Variants in KIAA1549L observed in about 807,000 individuals in gnomAD.
KIAA1549L encodes the protein KIAA1549 like.
A neutral mutation model predicts 160.7 loss-of-function variants in KIAA1549L; 88 were observed. The ratio of observed to expected loss-of-function variants is 0.55; its 90% CI spans 0.46 to 0.65. The LOEUF is 0.65. KIAA1549L is among the 30% of genes least tolerant of loss of function. KIAA1549L has a pLI of 0.00. For synonymous variants in KIAA1549L, 950 were observed against 976.7 expected, an observed-to-expected ratio of 0.97 and a Z score of 0.51; for missense variants, 2,258 against 2,437.5, an observed-to-expected ratio of 0.93 and a Z score of 1.55.
At chr11:33,525,662 G>A (rs1853593859) in intron 1 of KIAA1549L, among the ~76,000 whole-genome samples, 1 of 152,124 alleles carries the variant, frequency 6.6e-6, no homozygotes, top group African/African-American at 2.4e-5. Flanking sequence ...AGGCAGGCAG[G>A]GAGAGGTAAA....
chr11:33,488,624 G>A (rs76976381), intron 1 of KIAA1549L, among the ~76,000 whole-genome samples: 2,673 of 152,238 alleles, frequency 0.018, 77 homozygotes, highest in African/African-American at 0.061. Context: ...GGAAATTGAG[G>A]CACATAAAGG....
At chr11:33,549,902 G>C (rs538649953) in intron 4 of KIAA1549L, among the ~76,000 whole-genome samples, 1 of 152,186 alleles carries the variant, frequency 6.6e-6, no homozygotes, top group Admixed American at 6.5e-5. Flanking sequence ...CTACTCGAGA[G>C]GCTGAGGTGG....
intron 19 of KIAA1549L, 126 bp downstream of exon 19, chr11:33,659,024 G>C (rs1852173715): frequency 6.8e-6 from 7 of 1,025,122 alleles, no homozygotes; most frequent in Admixed American, 3.1e-5. Flanking sequence ...TGCATTTCTG[G>C]ATCCCCTCAT....
In KIAA1549L at chr11:33,477,507, G is replaced by GCGCACACA. The variant is rs1554981523; in HGVS notation, c.239-64294_239-64293insGCACACAC. 8.3e-4 allele frequency among the ~76,000 whole-genome samples: 110 copies of GCGCACACA among 131,822 alleles called. 1 individual carries two copies. Among genetic ancestry groups the GCGCACACA allele is most frequent in the African/African-American group, 3.9e-3 (108 of 27,658 alleles). 86.5% of individuals were successfully genotyped at this position (131,822 alleles called of 152,430 possible). ...GTGGTGGAGTGCCACGCAGGTGCAC[G>GCGCACACA]CACACACACACAAACACACACACAC... On this transcript the variant is annotated intron_variant, in intron 1 of 20. Transcript: ENST00000658780.
At chr11:33,393,666 G>A (rs1332679230) in intron 1 of KIAA1549L, among the ~76,000 whole-genome samples, 3 of 152,134 alleles carry the variant, frequency 2.0e-5, no homozygotes, top group African/African-American at 4.8e-5. Flanking sequence ...GTTGCCTCCC[G>A]GGCATAGAAG....
chr11:33,571,768 G>A (rs1453941487), intron 9 of KIAA1549L, among the ~76,000 whole-genome samples: 1 of 152,066 alleles, frequency 6.6e-6, no homozygotes, highest in Non-Finnish European at 1.5e-5. Context: ...TTCAACATGA[G>A]ATTTGGAGAG....
At chr11:33,637,668 C>T (rs528881776) in intron 16 of KIAA1549L, among the ~76,000 whole-genome samples, 4 of 152,292 alleles carry the variant, frequency 2.6e-5, no homozygotes, top group South Asian at 2.1e-4. Flanking sequence ...GGGAAGGATG[C>T]GTTCCAGGTA....
intron 20 of KIAA1549L, among the ~76,000 whole-genome samples, chr11:33,666,924 A>AT (rs1223914371): frequency 4.6e-5 from 7 of 152,224 alleles, no homozygotes; most frequent in Admixed American, 2.0e-4. Context: ...ACTAAATGAG[A>AT]TAATGTGTGG....
At chr11:33,473,256 G>A (rs1852216772) in intron 1 of KIAA1549L, among the ~76,000 whole-genome samples, 1 of 152,176 alleles carries the variant, frequency 6.6e-6, no homozygotes, top group Admixed American at 6.6e-5. Flanking sequence ...CCTTCAAAGA[G>A]CTTCCGTCTA....
intron 1 of KIAA1549L, among the ~76,000 whole-genome samples, chr11:33,413,359 A>G (rs1850821230): frequency 6.6e-6 from 1 of 150,716 alleles, no homozygotes; most frequent in African/African-American, 2.4e-5. Flanking sequence ...GGATTGTTTG[A>G]GCCAGGAGTT....
chr11:33,654,544 C>T (rs1394293835), intron 17 of KIAA1549L, among the ~76,000 whole-genome samples: 1 of 152,174 alleles, frequency 6.6e-6, no homozygotes, highest in Non-Finnish European at 1.5e-5. Context: ...GCCATCCATC[C>T]TCCCTCCCTA....
At chr11:33,583,573 CT>C in intron 11 of KIAA1549L, 72 bp downstream of exon 11, 1 of 1,389,410 alleles carries the variant, frequency 7.2e-7, no homozygotes, top group South Asian at 1.4e-5. Context: ...TCCCTCTTGC[CT>C]TTTGAGGCCA....
In KIAA1549L at chr11:33,560,056, A is replaced by C. The variant is rs554406748; in HGVS notation, c.4018+145A>C. The C allele has an allele frequency of 1.0e-4, 80 of 802,622 alleles. No individual in the cohort carries two copies. In the South Asian group the frequency reaches 1.2e-3, roughly 12 times the overall value. The allele number at this position is 802,622 out of a possible 1,614,324, so 49.7% of individuals were successfully genotyped here. On this transcript the variant is annotated intron_variant, in intron 7 of 20. Coordinates refer to ENST00000658780, the MANE Select transcript of KIAA1549L (RefSeq NM_012194.3). ...TATGTGATGGATTAAGGTGACAGCT[A>C]AATATGGATTAAGGAGGCAGATGGA...
At chr11:33,620,233 G>A (rs983518373) in intron 16 of KIAA1549L, among the ~76,000 whole-genome samples, 1 of 152,186 alleles carries the variant, frequency 6.6e-6, no homozygotes, top group South Asian at 2.1e-4. Flanking sequence ...TTTTTAGGAG[G>A]AGATTGCTCA....
At chr11:33,563,542 T>C (rs1854946841) in intron 8 of KIAA1549L, among the ~76,000 whole-genome samples, 1 of 151,994 alleles carries the variant, frequency 6.6e-6, no homozygotes, top group South Asian at 2.1e-4. Flanking sequence ...CTGCCTAAAA[T>C]ACTAAGGACT....
chr11:33,611,514 T>C (rs564500768), intron 15 of KIAA1549L, among the ~76,000 whole-genome samples: 1 of 152,320 alleles, frequency 6.6e-6, no homozygotes, highest in South Asian at 2.1e-4. Context: ...GCTTTGTTGG[T>C]ATGACAAGCT....
chr11:33,406,505 A>AG (rs1850655997), intron 1 of KIAA1549L, among the ~76,000 whole-genome samples: 1 of 152,148 alleles, frequency 6.6e-6, no homozygotes, highest in South Asian at 2.1e-4. Flanking sequence ...CTCCTCTCTT[A>AG]GGGACAGGTG....
intron 1 of KIAA1549L, among the ~76,000 whole-genome samples, chr11:33,530,414 GAAAAAAAA>G (rs71457306): frequency 0.014 from 228 of 16,430 alleles, 4 homozygotes; most frequent in East Asian, 0.044. Flanking sequence ...GAAGAAGAAG[GAAAAAAAA>G]AAAAAAAAAA....
Position 33,542,629 on chromosome 11 carries a change from C to G in KIAA1549L, c.1066C>G (p.Pro356Ala), listed in dbSNP as rs766222749. 3 of 1,613,754 alleles carry G rather than the reference C, an allele frequency of 1.9e-6. No homozygotes were observed. The highest frequency in any genetic ancestry group is 1.7e-5 in the Admixed American group (1 of 59,990). Reference sequence around the variant, plus strand: ...CATGGCAGAACTGTCCCATCCGTCTCCCCCTCCCCCAGCACTTGGAAGTCT... The same window carrying G: ...CATGGCAGAACTGTCCCATCCGTCTGCCCCTCCCCCAGCACTTGGAAGTCT... ...SPMAELSHPSPPPPALGSLLQ... is the reference protein window; with the variant it reads ...SPMAELSHPSAPPPALGSLLQ... Residue 356 changes from proline (P) to alanine (A), a missense_variant, in exon 2 of 21, where the codon CCC (proline) becomes GCC (alanine). Pro to Ala is a conservative substitution (Grantham distance 27). This residue lies in a region of KIAA1549L where 540 missense variants were observed against 465.7 expected (regional missense o/e 1.16). Coordinates refer to ENST00000658780, the MANE Select transcript of KIAA1549L (RefSeq NM_012194.3).
Sources: gnomAD v4.1 joint callset for allele counts (sites outside exome capture counted in the v4.1 genomes callset) on GRCh38, gnomAD v4.1.1 for gene constraint, gnomAD v4.1.1 regional missense constraint, MANE v1.5 for transcripts, NCBI Gene and HGNC (gene_info 2026-07-23, HGNC 2026-07-21) for gene names.